ACOXL: variants seen among roughly 807,000 people sequenced by gnomAD.
The protein encoded by ACOXL is acyl-coenzyme A oxidase-like protein.
Under a neutral mutation model 71.9 loss-of-function variants are expected in ACOXL, and 70 were observed. The ratio of observed to expected loss-of-function variants is 0.97; its 90% CI spans 0.80 to 1.19. The LOEUF (loss-of-function observed/expected upper bound fraction) is 1.19, where lower values mean the gene tolerates loss of function less well. Ranked by LOEUF, ACOXL falls within the 50% of genes most tolerant of loss-of-function variation. The probability of loss-of-function intolerance (pLI) is 0.00; values close to 1 mark genes in which losing one functional copy is unlikely to be tolerated. For synonymous variants in ACOXL, 253 were observed against 281.6 expected (o/e 0.90, Z 1.02); for missense variants, 703 against 736.3 (o/e 0.95, Z 0.52).
chr2:110,846,641 G>GCGCACACACACACA (rs148602789), intron 10 of ACOXL, among the ~76,000 whole-genome samples: 4,571 of 137,970 alleles, frequency 0.033, 128 homozygotes, highest in Non-Finnish European at 0.042. Flanking sequence ...ATGCATACAC[G>GCGCACACACACACA]CACACACACA....
intron 2 of ACOXL, among the ~76,000 whole-genome samples, chr2:110,771,533 T>TAGAG (rs1681931770): frequency 6.6e-6 from 1 of 152,250 alleles, no homozygotes; most frequent in South Asian, 2.1e-4. Context: ...TCCAGGTCTC[T>TAGAG]ATGGACAGTC....
chr2:110,860,168 TG>T (rs1228119251), intron 10 of ACOXL, among the ~76,000 whole-genome samples: 1 of 152,182 alleles, frequency 6.6e-6, no homozygotes, highest in Non-Finnish European at 1.5e-5. Context: ...TGGAGTGCAA[TG>T]GTGCCATCTC....
intron 15 of ACOXL, among the ~76,000 whole-genome samples, chr2:111,035,152 C>T (rs2065454037): frequency 6.6e-6 from 1 of 152,112 alleles, no homozygotes; most frequent in Admixed American, 6.5e-5. Context: ...AGGCGTGAGC[C>T]ACCGTCCCCG....
intron 12 of ACOXL, among the ~76,000 whole-genome samples, chr2:110,956,343 G>A (rs2149428934): frequency 6.6e-6 from 1 of 152,242 alleles, no homozygotes; most frequent in African/African-American, 2.4e-5. Context: ...TATGCATTTG[G>A]TGACAGGATC....
In ACOXL at chr2:111,117,709, G is replaced by A. The variant is rs915864457; in HGVS notation, c.1636G>A (p.Gly546Arg). The A allele has an allele frequency of 3.9e-6, 6 of 1,551,748 alleles. No individual in the cohort carries two copies. Among genetic ancestry groups the A allele is most frequent in the East Asian group, 4.9e-5 (2 of 40,928 alleles). ...PHTYLHAPIA[G>R]ISNPRAAWAF... ...CACCTACCTCCACGCACCAATCGCC[G>A]GAATCTCCAACCCGCGGGCCGCGTG... The change falls in exon 18 of 18, where the codon GGA (glycine) becomes AGA (arginine). Residue 546 changes from glycine (G) to arginine (R), a missense_variant. Gly to Arg is a moderately radical substitution (Grantham distance 125). Coordinates refer to ENST00000439055, the MANE Select transcript of ACOXL (RefSeq NM_001142807.4).
At chr2:110,876,692 G>A (rs982952388) in intron 10 of ACOXL, among the ~76,000 whole-genome samples, 2 of 152,194 alleles carry the variant, frequency 1.3e-5, no homozygotes, top group Admixed American at 6.5e-5. Flanking sequence ...GCATGGCGAC[G>A]AATTTAACAC....
chr2:110,922,147 A>G (rs1054487730), intron 11 of ACOXL, among the ~76,000 whole-genome samples: 2 of 152,164 alleles, frequency 1.3e-5, no homozygotes, highest in African/African-American at 4.8e-5. Flanking sequence ...TTCCAACTGT[A>G]ATTATGAATT....
Position 110,932,891 on chromosome 2 carries a change from G to A in ACOXL, c.906-598G>A, listed in dbSNP as rs534321249. On this transcript the variant is annotated intron_variant, in intron 11 of 17. Coordinates refer to ENST00000439055, the MANE Select transcript of ACOXL (RefSeq NM_001142807.4). The stretch of plus-strand genomic sequence containing the variant: ...GTGGAGACTCATGGTTGCACGTATG[G>A]TCATGGTGCAGGGTGACAGTTTTGA... 2.6e-5 allele frequency among the ~76,000 whole-genome samples: 4 copies of A among 152,302 alleles called. No homozygotes were observed. The East Asian group carries it at 7.7e-4, about 29-fold the overall frequency.
intron 10 of ACOXL, among the ~76,000 whole-genome samples, chr2:110,859,369 A>G (rs1693663468): frequency 6.6e-6 from 1 of 152,210 alleles, no homozygotes; most frequent in African/African-American, 2.4e-5. Context: ...GTGAGGATCC[A>G]TCTGACCCCA....
intron 2 of ACOXL, among the ~76,000 whole-genome samples, chr2:110,776,141 C>T (rs1404203675): frequency 6.6e-6 from 1 of 152,100 alleles, no homozygotes; most frequent in Admixed American, 6.6e-5. Flanking sequence ...ACCTGGAAGA[C>T]GTTATGCTGA....
At chr2:111,111,260 C>T (rs1035580346) in intron 17 of ACOXL, among the ~76,000 whole-genome samples, 6 of 151,686 alleles carry the variant, frequency 4.0e-5, no homozygotes, top group Non-Finnish European at 7.4e-5. Context: ...CCACCACTCT[C>T]GGCTAATTTT....
At chr2:110,900,119 A>G (rs1477334057) in intron 10 of ACOXL, among the ~76,000 whole-genome samples, 1 of 132,606 alleles carries the variant, frequency 7.5e-6, no homozygotes, top group African/African-American at 2.6e-5. Flanking sequence ...ACACACACAC[A>G]CACACACACA....
chr2:110,959,168 G>T (rs1006764490), intron 12 of ACOXL, among the ~76,000 whole-genome samples: 1 of 152,212 alleles, frequency 6.6e-6, no homozygotes, highest in Non-Finnish European at 1.5e-5. Context: ...GATGACAGAG[G>T]GTTAATTGAG....
chr2:110,980,404 T>C (rs961767799), intron 12 of ACOXL, among the ~76,000 whole-genome samples: 2 of 152,170 alleles, frequency 1.3e-5, no homozygotes, highest in Admixed American at 1.3e-4. Context: ...ACTGATGTCA[T>C]GTGGTGCAGG....
chr2:111,026,569 C>T (rs2065025446), intron 14 of ACOXL, among the ~76,000 whole-genome samples: 1 of 151,054 alleles, frequency 6.6e-6, no homozygotes, highest in Non-Finnish European at 1.5e-5. Context: ...AAGGATTTCA[C>T]ATTTTTGATG....
chr2:111,117,598 T>C lies in ACOXL; in HGVS notation c.1543-18T>C. Reference sequence around the variant, plus strand: ...GTGTGCCAACATCTGACCTGTCCCATTGTGTTGTGTTTTGCAGTTGCTGGA... The same window carrying C: ...GTGTGCCAACATCTGACCTGTCCCACTGTGTTGTGTTTTGCAGTTGCTGGA... On this transcript the variant is annotated intron_variant, in intron 17 of 17. Coordinates refer to ENST00000439055, the MANE Select transcript of ACOXL (RefSeq NM_001142807.4). The C allele has an allele frequency of 2.6e-6, 4 of 1,550,916 alleles. No individual in the cohort carries two copies. Among genetic ancestry groups the C allele is most frequent in the Non-Finnish European group, 3.5e-6 (4 of 1,146,282 alleles).
intron 12 of ACOXL, among the ~76,000 whole-genome samples, chr2:110,935,115 A>G (rs1353199873): frequency 1.3e-5 from 2 of 152,040 alleles, no homozygotes; most frequent in Non-Finnish European, 2.9e-5. Context: ...GGTGGGGGGT[A>G]TGACCTGAAG....
At chr2:110,804,785 C>G (rs1686425406) in intron 8 of ACOXL, among the ~76,000 whole-genome samples, 1 of 151,816 alleles carries the variant, frequency 6.6e-6, no homozygotes, top group African/African-American at 2.4e-5. Flanking sequence ...AGAACAGGCA[C>G]CATAGAGAGA....
intron 10 of ACOXL, among the ~76,000 whole-genome samples, chr2:110,862,259 A>G (rs931993121): frequency 3.3e-5 from 5 of 152,188 alleles, no homozygotes; most frequent in Admixed American, 6.5e-5. Context: ...CTGGAACACT[A>G]GAGTTTAATT....
Sources: gnomAD v4.1 joint callset for allele counts (sites outside exome capture counted in the v4.1 genomes callset) on GRCh38, gnomAD v4.1.1 for gene constraint, MANE v1.5 for transcripts, NCBI Gene and HGNC (gene_info 2026-07-23, HGNC 2026-07-21) for gene names.